Variants in SHANK2 observed in about 807,000 individuals in gnomAD.
SHANK2 encodes the protein SH3 and multiple ankyrin repeat domains 2, also known as SH3 and multiple ankyrin repeat domains protein 2.
Under a neutral mutation model 133.7 loss-of-function variants are expected in SHANK2, and 43 were observed. That is an observed-to-expected ratio of 0.32 (90% CI 0.25 to 0.41). The LOEUF is 0.41. SHANK2 is among the 10% of genes least tolerant of loss of function. SHANK2 has a pLI of 1.00. For missense variants in SHANK2, 1,994 were observed against 2,235.8 expected, an observed-to-expected ratio of 0.89 and a Z score of 2.18; for synonymous variants, 1,017 against 952.8, an observed-to-expected ratio of 1.07 and a Z score of -1.24.
At chr11:70,476,747 A>C (rs2058669527) in intron 25 of SHANK2, among the ~76,000 whole-genome samples, 1 of 152,198 alleles carries the variant, frequency 6.6e-6, no homozygotes, top group Non-Finnish European at 1.5e-5. Flanking sequence ...TCTGGTCTCC[A>C]TGTGCTTTTG....
At chr11:71,183,889 G>A (rs1953617190) in intron 2 of SHANK2, among the ~76,000 whole-genome samples, 2 of 152,208 alleles carry the variant, frequency 1.3e-5, no homozygotes, top group African/African-American at 4.8e-5. Context: ...ATGTAACCTT[G>A]TAGGGGGAGA....
At chr11:71,225,795 C>T (rs191304631) in intron 1 of SHANK2, among the ~76,000 whole-genome samples, 203 of 152,276 alleles carry the variant, frequency 1.3e-3, no homozygotes, top group Admixed American at 4.8e-3. Flanking sequence ...CAGAGCAGTG[C>T]CTTTCACCAA....
intron 14 of SHANK2, among the ~76,000 whole-genome samples, chr11:70,738,326 C>T (rs1418864864): frequency 6.6e-6 from 1 of 152,238 alleles, no homozygotes; most frequent in Non-Finnish European, 1.5e-5. Context: ...AAGGCGCTCC[C>T]CTCTGTCTTC....
intron 13 of SHANK2, among the ~76,000 whole-genome samples, chr11:70,799,097 A>C (rs1190986064): frequency 6.6e-6 from 1 of 152,172 alleles, no homozygotes; most frequent in African/African-American, 2.4e-5. Context: ...AGCGTGCGGA[A>C]GGAGAAATCA....
intron 11 of SHANK2, among the ~76,000 whole-genome samples, chr11:70,870,136 C>T (rs1368070904): frequency 6.6e-6 from 1 of 152,036 alleles, no homozygotes; most frequent in Non-Finnish European, 1.5e-5. Flanking sequence ...GCCCAGGGCA[C>T]TATGGAAGAG....
intron 17 of SHANK2, among the ~76,000 whole-genome samples, chr11:70,543,595 C>T (rs73522158): frequency 0.16 from 24,673 of 152,238 alleles, 2,517 homozygotes; most frequent in African/African-American, 0.26. Context: ...CAAAGCTGCA[C>T]GCCTTCCCCT....
chr11:71,060,141 G>A (rs1037832171), intron 9 of SHANK2, among the ~76,000 whole-genome samples: 35,505 of 152,086 alleles, frequency 0.23, 4,826 homozygotes, highest in East Asian at 0.33. Flanking sequence ...GCCTTCACGG[G>A]AACATCCGGC....
chr11:71,123,592 C>T (rs527762012), intron 3 of SHANK2, among the ~76,000 whole-genome samples: 2 of 152,320 alleles, frequency 1.3e-5, no homozygotes, highest in South Asian at 4.1e-4. Context: ...AGTGACCCTT[C>T]CTGGTCCCAC....
chr11:70,576,739 A>G (rs754786962), intron 17 of SHANK2, among the ~76,000 whole-genome samples: 27 of 152,186 alleles, frequency 1.8e-4, no homozygotes, highest in Non-Finnish European at 3.5e-4. Flanking sequence ...CCGTTTCCCC[A>G]TCAGTAAGAC....
At chr11:70,881,950 G>T (rs375488658) in intron 11 of SHANK2, among the ~76,000 whole-genome samples, 6 of 152,018 alleles carry the variant, frequency 3.9e-5, no homozygotes, top group Non-Finnish European at 5.9e-5. Context: ...GGCCTCAAAG[G>T]ATCCTCCCAG....
intron 10 of SHANK2, among the ~76,000 whole-genome samples, chr11:70,943,584 G>A (rs1314991137): frequency 6.6e-6 from 1 of 152,194 alleles, no homozygotes; most frequent in Non-Finnish European, 1.5e-5. Context: ...GACAGGGGCT[G>A]AGGAGGCAGG....
At chr11:71,164,700 T>C (rs34831169) in intron 2 of SHANK2, among the ~76,000 whole-genome samples, 3 of 152,236 alleles carry the variant, frequency 2.0e-5, no homozygotes, top group Non-Finnish European at 2.9e-5. Flanking sequence ...ATTTAGTGTA[T>C]AGATGTTCTT....
At chr11:70,777,519 T>TCATC (rs201578144) in intron 14 of SHANK2, among the ~76,000 whole-genome samples, 4,444 of 151,208 alleles carry the variant, frequency 0.029, 86 homozygotes, top group East Asian at 0.064. Flanking sequence ...ACCTATCCAT[T>TCATC]CATCCATCCA....
intron 4 of SHANK2, among the ~76,000 whole-genome samples, chr11:71,117,497 G>A (rs1433909326): frequency 6.6e-6 from 1 of 152,228 alleles, no homozygotes. Context: ...GTAGCTTCCA[G>A]GATGGGGGCT....
At chr11:70,913,689 C>T (rs1950227168) in intron 10 of SHANK2, among the ~76,000 whole-genome samples, 1 of 152,198 alleles carries the variant, frequency 6.6e-6, no homozygotes, top group Non-Finnish European at 1.5e-5. Flanking sequence ...AGAGAAGATT[C>T]TGAGTTTAGA....
intron 14 of SHANK2, among the ~76,000 whole-genome samples, chr11:70,759,216 G>A (rs997804969): frequency 5.3e-5 from 8 of 149,996 alleles, no homozygotes; most frequent in Admixed American, 1.3e-4. Context: ...AGTTCTGGCC[G>A]GGCACAGTGG....
At chr11:71,200,831 TACACACACACAC>T (rs56749664) in intron 2 of SHANK2, among the ~76,000 whole-genome samples, 23 of 145,036 alleles carry the variant, frequency 1.6e-4, no homozygotes, top group Middle Eastern at 3.6e-3. Flanking sequence ...TCTCAATTAA[TACACACACACAC>T]ACACACACAC....
chr11:70,733,605 G>A (rs1470868635), intron 14 of SHANK2, among the ~76,000 whole-genome samples: 1 of 152,256 alleles, frequency 6.6e-6, no homozygotes, highest in Non-Finnish European at 1.5e-5. Context: ...GCAGAGCTGA[G>A]AGGCTGCCAC....
rs1334009402 is a variant in SHANK2, at chr11:70,538,794, C to T, written c.2062-35863G>A. Among the ~76,000 whole-genome samples the T allele has an allele frequency of 2.0e-5, 3 of 152,208 alleles. No individual in the cohort carries two copies. In the East Asian group the frequency reaches 5.8e-4, roughly 29 times the overall value. On this transcript the variant is annotated intron_variant, in intron 17 of 25. Coordinates refer to ENST00000601538, the MANE Select transcript of SHANK2 (RefSeq NM_012309.5). Reference sequence around the variant, plus strand: ...AGCCCCATTCCACACAGAGAAAGCACTGGGTGGGGCGGGAGGCACGCACAG... The same window carrying T: ...AGCCCCATTCCACACAGAGAAAGCATTGGGTGGGGCGGGAGGCACGCACAG...
Sources: gnomAD v4.1 joint callset for allele counts (sites outside exome capture counted in the v4.1 genomes callset) on GRCh38, gnomAD v4.1.1 for gene constraint, MANE v1.5 for transcripts, NCBI Gene and HGNC (gene_info 2026-07-23, HGNC 2026-07-21) for gene names.